The following TRHDE variants were observed in gnomAD, a reference collection of about 807,000 sequenced individuals.
TRHDE encodes thyrotropin-releasing hormone-degrading ectoenzyme.
Under a neutral mutation model 125.7 loss-of-function variants are expected in TRHDE, and 72 were observed. That is an observed-to-expected ratio of 0.57 (90% confidence interval 0.47 to 0.70). The LOEUF (loss-of-function observed/expected upper bound fraction) is 0.70, where lower values mean the gene tolerates loss of function less well. Among genes scored for constraint, TRHDE ranks in the 30% least tolerant of loss-of-function variants. TRHDE has a pLI of 0.00. For synonymous variants in TRHDE, 509 were observed against 509.1 expected, an observed-to-expected ratio of 1.00 and a Z score of 0.00; for missense variants, 1,110 against 1,327.1, an observed-to-expected ratio of 0.84 and a Z score of 2.54.
intron 16 of TRHDE, 129 bp from the exon 17 acceptor site, chr12:72,652,887 G>A (rs774495189): frequency 1.8e-6 from 1 of 549,506 alleles, no homozygotes; most frequent in South Asian, 4.3e-5. Flanking sequence ...TTATAAGTTT[G>A]CATTATTAAA....
intron 3 of TRHDE, among the ~76,000 whole-genome samples, chr12:72,380,199 A>G (rs1004552207): frequency 6.6e-6 from 1 of 152,144 alleles, no homozygotes; most frequent in African/African-American, 2.4e-5. Flanking sequence ...ATCTATAAGC[A>G]TTTACTGAGT....
intron 9 of TRHDE, among the ~76,000 whole-genome samples, chr12:72,566,439 T>C (rs1384487362): frequency 1.3e-5 from 2 of 151,798 alleles, no homozygotes; most frequent in African/African-American, 4.8e-5. Context: ...TGAACAGCTG[T>C]GTGATACAAT....
intron 3 of TRHDE, among the ~76,000 whole-genome samples, chr12:72,439,491 G>A (rs1203792527): frequency 6.6e-6 from 1 of 151,460 alleles, no homozygotes; most frequent in Non-Finnish European, 1.5e-5. Flanking sequence ...ATAGTTTTCA[G>A]TGTGAAGATC....
chr12:72,358,875 G>C (rs893928716), intron 2 of TRHDE, among the ~76,000 whole-genome samples: 2 of 151,434 alleles, frequency 1.3e-5, no homozygotes, highest in African/African-American at 2.4e-5. Flanking sequence ...ATAAAACTTA[G>C]ATGAAATGCA....
chr12:72,372,691 G>T (rs896357879), intron 2 of TRHDE, among the ~76,000 whole-genome samples: 2 of 152,204 alleles, frequency 1.3e-5, no homozygotes, highest in Non-Finnish European at 2.9e-5. Flanking sequence ...TCAAAGATCA[G>T]ATGGTTGTAG....
intron 17 of TRHDE, among the ~76,000 whole-genome samples, chr12:72,653,695 T>A (rs546498480): frequency 5.2e-4 from 79 of 152,244 alleles, no homozygotes; most frequent in Non-Finnish European, 1.1e-3. Flanking sequence ...GAGAATTCTT[T>A]AGCCTCAATT....
chr12:72,606,957 T>A (rs1283811355), intron 12 of TRHDE, among the ~76,000 whole-genome samples: 4 of 152,268 alleles, frequency 2.6e-5, no homozygotes, highest in South Asian at 4.1e-4. Context: ...TTTAATAATA[T>A]CAACTATCCA....
chr12:72,365,454 C>T (rs1871302063), intron 2 of TRHDE, among the ~76,000 whole-genome samples: 1 of 152,098 alleles, frequency 6.6e-6, no homozygotes, highest in African/African-American at 2.4e-5. Flanking sequence ...TTTGGTGATT[C>T]TGATGCAAAC....
intron 3 of TRHDE, among the ~76,000 whole-genome samples, chr12:72,416,461 A>T (rs1051600540): frequency 2.0e-5 from 3 of 151,826 alleles, no homozygotes; most frequent in African/African-American, 2.4e-5. Context: ...ATCTTTACCC[A>T]CACCAATGTC....
intron 2 of TRHDE, among the ~76,000 whole-genome samples, chr12:72,210,642 G>T (rs1309655074): frequency 6.6e-6 from 1 of 152,096 alleles, no homozygotes; most frequent in East Asian, 1.9e-4. Flanking sequence ...TGGTTAAAAG[G>T]AGAATTTAAC....
chr12:72,486,795 C>T (rs1244883646), intron 5 of TRHDE, among the ~76,000 whole-genome samples: 4 of 152,118 alleles, frequency 2.6e-5, no homozygotes, highest in African/African-American at 7.2e-5. Context: ...AATAATTCTT[C>T]AGTAACTAAC....
intron 2 of TRHDE, among the ~76,000 whole-genome samples, chr12:72,361,177 G>A (rs189510167): frequency 6.6e-6 from 1 of 151,744 alleles, no homozygotes; most frequent in African/African-American, 2.4e-5. Context: ...CTGTGGAATT[G>A]CTCTTTAAAG....
At chr12:72,234,739 T>C (rs1878309292) in intron 2 of TRHDE, among the ~76,000 whole-genome samples, 1 of 152,182 alleles carries the variant, frequency 6.6e-6, no homozygotes. Flanking sequence ...AAAAAAAATC[T>C]ACTTTGTCTT....
chr12:72,384,377 A>G (rs1451117438), intron 3 of TRHDE, among the ~76,000 whole-genome samples: 1 of 152,172 alleles, frequency 6.6e-6, no homozygotes, highest in Non-Finnish European at 1.5e-5. Flanking sequence ...GGTTTTGTCG[A>G]GGAGAGAATG....
At chr12:72,275,437 C>T (rs1879450736) in intron 1 of TRHDE, among the ~76,000 whole-genome samples, 1 of 152,242 alleles carries the variant, frequency 6.6e-6, no homozygotes, top group African/African-American at 2.4e-5. Context: ...TTTAAACCCC[C>T]TTCTACCACT....
chr12:72,161,458 A>G (rs911023000), intron 2 of TRHDE, among the ~76,000 whole-genome samples: 5 of 151,694 alleles, frequency 3.3e-5, no homozygotes, highest in Non-Finnish European at 5.9e-5. Flanking sequence ...AAATTGCTGC[A>G]TTGATCCAAA....
At chr12:72,561,975 G>A (rs1384831685) in intron 7 of TRHDE, among the ~76,000 whole-genome samples, 190 bp from the exon 8 acceptor site, 1 of 151,986 alleles carries the variant, frequency 6.6e-6, no homozygotes, top group African/African-American at 2.4e-5. Flanking sequence ...AATATTGTTC[G>A]ACGACTTAAT....
chr12:72,459,686 T>C (rs1876034073), intron 3 of TRHDE, among the ~76,000 whole-genome samples: 1 of 152,028 alleles, frequency 6.6e-6, no homozygotes. Flanking sequence ...GCAGTGACAT[T>C]ATAGCTCACT....
chr12:72,558,781 T>G (rs1870038901), intron 7 of TRHDE, among the ~76,000 whole-genome samples: 1 of 152,096 alleles, frequency 6.6e-6, no homozygotes, highest in South Asian at 2.1e-4. Context: ...AACCCTTTGC[T>G]AGAGGTGGAT....
Sources: allele counts gnomAD v4.1 joint callset (sites outside exome capture counted in the v4.1 genomes callset), GRCh38; gene constraint gnomAD v4.1.1; transcripts MANE v1.5; gene names NCBI Gene and HGNC (gene_info 2026-07-23, HGNC 2026-07-21).